Variants in SLC25A48 observed in about 807,000 individuals in gnomAD.
SLC25A48 encodes the protein CTC-321K16.1.
Under a neutral mutation model 32.2 loss-of-function variants are expected in SLC25A48, and 29 were observed. That is an observed-to-expected ratio of 0.90 (90% confidence interval 0.67 to 1.23). SLC25A48 has a LOEUF of 1.23. SLC25A48 is among the 50% of genes most tolerant of loss of function. The pLI is 0.00. For missense variants in SLC25A48, 399 were observed against 422.7 expected (o/e 0.94, Z 0.49); for synonymous variants, 164 against 172.3 (o/e 0.95, Z 0.38).
intron 3 of SLC25A48, among the ~76,000 whole-genome samples, chr5:135,709,602 TACG>T (rs1299837673): frequency 6.6e-6 from 1 of 152,234 alleles, no homozygotes. Context: ...GAGGCACTGC[TACG>T]ACAAGAAGCA....
chr5:135,832,298 T>C (rs564305333), upstream of SLC25A48, among the ~76,000 whole-genome samples: 5 of 151,700 alleles, frequency 3.3e-5, no homozygotes, highest in African/African-American at 1.2e-4. Context: ...GGGAAGAAGA[T>C]GAGAAGAGCT....
intron 3 of SLC25A48, among the ~76,000 whole-genome samples, chr5:135,705,393 C>T (rs555966886): frequency 6.6e-6 from 1 of 152,182 alleles, no homozygotes; most frequent in Admixed American, 6.5e-5. Context: ...ATTTCTTCAT[C>T]TATTAAAGTG....
intron 1 of SLC25A48, among the ~76,000 whole-genome samples, chr5:135,838,867 G>A (rs1758760349): frequency 6.6e-6 from 1 of 152,228 alleles, no homozygotes; most frequent in Admixed American, 6.5e-5. Context: ...GGCCCTCATG[G>A]AGAACCTCTG....
chr5:135,743,357 C>T (rs1755556025), intron 3 of SLC25A48, among the ~76,000 whole-genome samples: 1 of 151,842 alleles, frequency 6.6e-6, no homozygotes, highest in Admixed American at 6.6e-5. Flanking sequence ...AAGGCATGAG[C>T]CACTACGCTC....
chr5:135,654,317 G>T (rs897434585), intron 3 of SLC25A48, among the ~76,000 whole-genome samples: 6 of 152,186 alleles, frequency 3.9e-5, no homozygotes, highest in Non-Finnish European at 7.3e-5. Flanking sequence ...CGTAGCTAAG[G>T]GCTCAGGAGT....
At position 135,880,061 on chromosome 5, in the gene SLC25A48, C is replaced by A. The variant is rs756581306; in HGVS notation, c.907C>A (p.Arg303Ser). 4 of 1,536,154 alleles carry A rather than the reference C, an allele frequency of 2.6e-6. No individual in the cohort carries two copies. The highest frequency in any genetic ancestry group is 3.5e-6 in the Non-Finnish European group (4 of 1,146,902). ...LGYELSLQAI[R>S]GDHAVTSP ...GTACGAGCTGTCGCTGCAGGCTATCCGCGGGGACCACGCAGTGACGAGCCC... is the reference window on the plus strand; with the variant it reads ...GTACGAGCTGTCGCTGCAGGCTATCAGCGGGGACCACGCAGTGACGAGCCC... Residue 303 changes from arginine to serine, a missense_variant, in exon 7 of 8, where the codon CGC (arginine) becomes AGC (serine). Arg to Ser is a moderately radical substitution (Grantham distance 110, BLOSUM62 -1). Coordinates refer to ENST00000681962, the MANE Select transcript of SLC25A48 (RefSeq NM_001349336.2).
chr5:135,695,782 G>A lies in SLC25A48; in HGVS notation c.-521+60826G>A, dbSNP rs532586383. On this transcript the variant is annotated intron_variant, in intron 3 of 10. Transcript: ENST00000646290. Reference sequence around the variant, plus strand: ...GGCCACATGTTTTTGCTCCTGCCCCGACCTTCTCTCCAGGATATGGGCCCT... The same window carrying A: ...GGCCACATGTTTTTGCTCCTGCCCCAACCTTCTCTCCAGGATATGGGCCCT... Among the ~76,000 whole-genome samples, 19 of 152,312 alleles carry A rather than the reference G, an allele frequency of 1.2e-4. 1 individual carries two copies. The Middle Eastern group carries it at 0.014, about 109-fold the overall frequency.
In SLC25A48 at chr5:135,852,619, C is replaced by T. The variant is rs1759972656; in HGVS notation, c.219C>T (p.Asn73=). 5.6e-6 allele frequency: 9 copies of T among 1,612,672 alleles called. No homozygotes were observed. Among genetic ancestry groups the T allele is most frequent in the Non-Finnish European group, 7.6e-6 (9 of 1,178,758 alleles). Reference sequence around the variant, plus strand: ...CCCTCGCCAGCATTGCCGTCTACAACTCCGTGGTGTTTGGGGTCTTCAGTA... The same window carrying T: ...CCCTCGCCAGCATTGCCGTCTACAATTCCGTGGTGTTTGGGGTCTTCAGTA... ...SFPLASIAVY[N]SVVFGVFSNT... Residue 73 remains asparagine, a synonymous_variant, in exon 4 of 8, where the codon AAC becomes AAT. Coordinates refer to ENST00000681962, the MANE Select transcript of SLC25A48 (RefSeq NM_001349336.2).
intron 3 of SLC25A48, among the ~76,000 whole-genome samples, chr5:135,694,151 A>G (rs1365452447): frequency 6.6e-6 from 1 of 152,192 alleles, no homozygotes; most frequent in Admixed American, 6.5e-5. Context: ...GGGCCTGCAC[A>G]GAGACTGGGA....
intron 3 of SLC25A48, among the ~76,000 whole-genome samples, chr5:135,768,911 C>A (rs1046043203): frequency 1.3e-4 from 19 of 151,740 alleles, no homozygotes; most frequent in Admixed American, 9.9e-4. Context: ...TGACATTACT[C>A]GCAATATCGC....
chr5:135,602,594 TTTTCTTTTTTTTTTTC>T (rs1751823689), intron 1 of SLC25A48, among the ~76,000 whole-genome samples: 2 of 119,684 alleles, frequency 1.7e-5, no homozygotes, highest in African/African-American at 3.8e-5. Context: ...TTGCATGGAG[TTTTCTTTTTTTTTTTC>T]TTTCTTTTTT....
intron 4 of SLC25A48, among the ~76,000 whole-genome samples, chr5:135,865,402 G>T (rs1257424035): frequency 6.6e-6 from 1 of 152,182 alleles, no homozygotes; most frequent in Non-Finnish European, 1.5e-5. Flanking sequence ...GTTACAGCCA[G>T]CCTGTCTGCT....
At chr5:135,880,562 A>AATGGGAG (rs1762392828) in intron 7 of SLC25A48, among the ~76,000 whole-genome samples, 1 of 152,118 alleles carries the variant, frequency 6.6e-6, no homozygotes, top group East Asian at 1.9e-4. Context: ...GGTCTCTGCC[A>AATGGGAG]CCATTCTTTG....
At chr5:135,733,667 G>C (rs953502382) in intron 3 of SLC25A48, among the ~76,000 whole-genome samples, 2 of 152,202 alleles carry the variant, frequency 1.3e-5, no homozygotes, top group Admixed American at 6.5e-5. Flanking sequence ...GGATAAAAAG[G>C]CTACAGGGTG....
In SLC25A48 at chr5:135,782,710, G is replaced by T. The variant is rs1222334073; in HGVS notation, c.-520-29813G>T. 1.7e-5 allele frequency among the ~76,000 whole-genome samples: 2 copies of T among 118,062 alleles called. 1 individual carries two copies. The highest frequency in any genetic ancestry group is 4.2e-5 in the Non-Finnish European group (2 of 47,646). 77.5% of individuals were successfully genotyped at this position (118,062 alleles called of 152,430 possible). A position where few individuals can be genotyped will look rare whatever the true frequency, so the allele number is the denominator to read the frequency against. ...GGGAGAGGATATTACTCCCAATAAT[G>T]CAGGAGATGTACACTCCCACTATGA... On this transcript the variant is annotated intron_variant, in intron 3 of 10. Transcript: ENST00000646290.
chr5:135,885,171 G>A (rs527390297), intron 7 of SLC25A48, among the ~76,000 whole-genome samples: 1 of 152,210 alleles, frequency 6.6e-6, no homozygotes, highest in South Asian at 2.1e-4. Flanking sequence ...GCTATTGAAG[G>A]CCTCCCATCA....
At chr5:135,606,601 T>C (rs371940302) in intron 1 of SLC25A48, among the ~76,000 whole-genome samples, 15 of 152,266 alleles carry the variant, frequency 9.9e-5, no homozygotes, top group African/African-American at 3.4e-4. Context: ...TACAGGTCCC[T>C]GTCTAATGAG....
At chr5:135,727,952 T>C (rs1755127564) in intron 3 of SLC25A48, among the ~76,000 whole-genome samples, 1 of 152,202 alleles carries the variant, frequency 6.6e-6, no homozygotes, top group African/African-American at 2.4e-5. Flanking sequence ...TTTTGTGTTC[T>C]GTCTTTTAAG....
chr5:135,847,812 C>G (rs1053824779), intron 2 of SLC25A48, among the ~76,000 whole-genome samples: 4 of 152,164 alleles, frequency 2.6e-5, no homozygotes, highest in Admixed American at 2.6e-4. Flanking sequence ...TGATCTTACC[C>G]CACTGAGACT....
Sources: allele counts gnomAD v4.1 joint callset (sites outside exome capture counted in the v4.1 genomes callset), GRCh38; gene constraint gnomAD v4.1.1; transcripts MANE v1.5; gene names NCBI Gene and HGNC (gene_info 2026-07-23, HGNC 2026-07-21).